The following CUX1 variants were observed in gnomAD, a reference collection of about 807,000 sequenced individuals.
CUX1 encodes the protein cut like homeobox 1, also known as protein CASP.
A neutral mutation model predicts 158.8 loss-of-function variants in CUX1; 31 were observed. The ratio of observed to expected loss-of-function variants is 0.20; its 90% CI spans 0.15 to 0.26. CUX1 has a LOEUF of 0.26. Ranked by LOEUF, CUX1 falls within the 10% of genes least tolerant of loss-of-function variation. The pLI is 1.00. For missense variants in CUX1, 1,589 were observed against 2,014.6 expected (o/e 0.79, Z 4.04); for synonymous variants, 879 against 862.1 (o/e 1.02, Z -0.34).
chr7:101,835,460 T>G (rs1794520882), intron 1 of CUX1, among the ~76,000 whole-genome samples: 1 of 152,220 alleles, frequency 6.6e-6, no homozygotes, highest in South Asian at 2.1e-4. Flanking sequence ...GCTGTGAACA[T>G]TCGTGTACAA....
rs1450415495 is a variant in CUX1, at chr7:102,250,918, ACTT to A, written c.*1880_*1882del. On this transcript the variant is annotated 3_prime_UTR_variant, in exon 24 of 24. Transcript: ENST00000292535. ...GGCTTCTACAAGTTTGCTAATTTAGACTTCTTTATTGCCATATCTTTAAACTAA... is the reference window on the plus strand; with the variant it reads ...GGCTTCTACAAGTTTGCTAATTTAGACTTTATTGCCATATCTTTAAACTAA... 66 of 984,070 alleles carry A rather than the reference ACTT, an allele frequency of 6.7e-5. No individual in the cohort carries two copies. In the African/African-American group the frequency reaches 9.3e-4, roughly 14 times the overall value. 61.0% of individuals were successfully genotyped at this position (984,070 alleles called of 1,614,324 possible). A position where few individuals can be genotyped will look rare whatever the true frequency, so the allele number is the denominator to read the frequency against.
intron 10 of CUX1, among the ~76,000 whole-genome samples, chr7:102,174,879 G>C (rs1275475425): frequency 6.6e-6 from 1 of 152,202 alleles, no homozygotes; most frequent in East Asian, 1.9e-4. Context: ...GAACCTGGGA[G>C]GGGGAGGTTG....
chr7:101,829,167 G>A (rs1441728312), intron 1 of CUX1, among the ~76,000 whole-genome samples: 3 of 151,996 alleles, frequency 2.0e-5, no homozygotes, highest in Non-Finnish European at 4.4e-5. Context: ...ACTTGAACTG[G>A]CACAGCACCC....
In CUX1 at chr7:101,964,927, A is replaced by G. The variant is rs564230598; in HGVS notation, c.141+48702A>G. Among the ~76,000 whole-genome samples, 261 of 152,306 alleles carry G rather than the reference A, an allele frequency of 1.7e-3. 1 individual carries two copies. The highest frequency in any genetic ancestry group is 6.1e-3 in the African/African-American group (253 of 41,576). Reference sequence around the variant, plus strand: ...GATCCCAGGAGCCTGATTCCTTTCCAGGGAGCAGCAGATGAGACTTTTCTC... The same window carrying G: ...GATCCCAGGAGCCTGATTCCTTTCCGGGGAGCAGCAGATGAGACTTTTCTC... On this transcript the variant is annotated intron_variant, in intron 2 of 23. Transcript: ENST00000292535.
chr7:101,867,516 C>A (rs1416887656), intron 1 of CUX1, among the ~76,000 whole-genome samples: 1 of 152,162 alleles, frequency 6.6e-6, no homozygotes, highest in South Asian at 2.1e-4. Flanking sequence ...TGGCTTCAAC[C>A]AGGTCACCGT....
upstream of CUX1, chr7:101,816,008 A>G (rs1477748755): frequency 1.4e-6 from 2 of 1,388,078 alleles, no homozygotes; most frequent in Admixed American, 2.1e-5. Context: ...TCAGCCGCTC[A>G]CTCCGTCTCA....
At chr7:102,181,698 A>G (rs1232171657) in intron 11 of CUX1, among the ~76,000 whole-genome samples, 2 of 152,214 alleles carry the variant, frequency 1.3e-5, no homozygotes, top group East Asian at 3.8e-4. Flanking sequence ...AAGACTTCTG[A>G]TTTTAATTAT....
rs1554512894 is a variant in CUX1 at position 102,178,656 on chromosome 7, A to G, written c.1016A>G (p.Lys339Arg). The change falls in exon 11 of 24, where the codon AAA becomes AGA. Residue 339 changes from lysine (K) to arginine (R), a missense_variant and splice_region_variant. Physicochemically the swap from Lys to Arg is conservative, Grantham distance 26. This residue lies in a region of CUX1 where 515 missense variants were observed against 574.4 expected (regional missense o/e 0.90). Coordinates refer to ENST00000292535, the MANE Select transcript of CUX1 (RefSeq NM_181552.4). ...QQLSAKNSTL[K>R]QLEEKLKGQA... is the part of the protein sequence containing the mutation. ...CTGAGCGCCAAAAACAGCACACTCA[A>G]AGTAAGGGGGCTGCGGGGCCCGGGG... 1 of 1,606,526 alleles carries G rather than the reference A, an allele frequency of 6.2e-7. No homozygotes were observed. The highest frequency in any genetic ancestry group is 1.1e-5 in the South Asian group (1 of 90,166).
chr7:101,850,478 GC>G (rs1392080277), intron 1 of CUX1, among the ~76,000 whole-genome samples: 1 of 126,408 alleles, frequency 7.9e-6, no homozygotes, highest in Non-Finnish European at 1.6e-5. Flanking sequence ...GGCTGGAATT[GC>G]CGTGGTGCGA....
At chr7:101,904,957 C>T (rs565613446) in intron 1 of CUX1, among the ~76,000 whole-genome samples, 1 of 152,280 alleles carries the variant, frequency 6.6e-6, no homozygotes, top group South Asian at 2.1e-4. Flanking sequence ...AACTGACATC[C>T]ACGCTCATTG....
At chr7:102,276,919 T>C (rs1163217906) in intron 17 of CUX1, among the ~76,000 whole-genome samples, 14 of 152,218 alleles carry the variant, frequency 9.2e-5, no homozygotes, top group Admixed American at 9.2e-4. Flanking sequence ...GACCGAACTG[T>C]ACACTTTGAA....
At chr7:102,278,829 G>T (rs1190923951) in intron 18 of CUX1, among the ~76,000 whole-genome samples, 1 of 151,566 alleles carries the variant, frequency 6.6e-6, no homozygotes, top group Non-Finnish European at 1.5e-5. Flanking sequence ...GCCGAGGCGG[G>T]TGGAGTTTGA....
intron 1 of CUX1, among the ~76,000 whole-genome samples, chr7:101,910,466 A>G (rs1403385398): frequency 6.6e-6 from 1 of 152,098 alleles, no homozygotes; most frequent in Non-Finnish European, 1.5e-5. Context: ...TTAAAGGTGA[A>G]CAAATCCAAG....
chr7:102,220,761 G>A (rs1369489917), intron 20 of CUX1, among the ~76,000 whole-genome samples: 3 of 151,314 alleles, frequency 2.0e-5, no homozygotes, highest in African/African-American at 7.4e-5. Context: ...CTCCTCCAGG[G>A]CTCCCTTGAT....
At chr7:102,080,434 C>T (rs559213497) in intron 4 of CUX1, among the ~76,000 whole-genome samples, 16 of 152,280 alleles carry the variant, frequency 1.1e-4, no homozygotes, top group African/African-American at 3.1e-4. Context: ...CGTATGATTA[C>T]ATTAGCCTAG....
intron 1 of CUX1, among the ~76,000 whole-genome samples, chr7:101,897,617 TGTAA>T (rs1801659815): frequency 6.6e-6 from 1 of 152,228 alleles, no homozygotes; most frequent in Non-Finnish European, 1.5e-5. Context: ...TTTCTGCTGA[TGTAA>T]GTATCACAGC....
intron 16 of CUX1, among the ~76,000 whole-genome samples, chr7:102,274,724 G>T (rs532131816): frequency 6.6e-6 from 1 of 152,250 alleles, no homozygotes; most frequent in Admixed American, 6.5e-5. Context: ...CCTGTGAAAG[G>T]CTGGTGAGTG....
chr7:102,166,586 A>G (rs782607335), intron 9 of CUX1, among the ~76,000 whole-genome samples: 8 of 152,134 alleles, frequency 5.3e-5, no homozygotes, highest in Non-Finnish European at 1.2e-4. Flanking sequence ...GACCCGGGAC[A>G]GGGCCCCCTT....
intron 11 of CUX1, among the ~76,000 whole-genome samples, chr7:102,182,194 G>T (rs1393233056): frequency 1.3e-5 from 2 of 152,184 alleles, no homozygotes; most frequent in Non-Finnish European, 2.9e-5. Flanking sequence ...ACACTTGGCA[G>T]CAGGTCCTTG....
Sources: gnomAD v4.1 joint callset for allele counts (sites outside exome capture counted in the v4.1 genomes callset) on GRCh38, gnomAD v4.1.1 for gene constraint, gnomAD v4.1.1 regional missense constraint, MANE v1.5 for transcripts, NCBI Gene and HGNC (gene_info 2026-07-23, HGNC 2026-07-21) for gene names.